The following VPS13B variants were observed in gnomAD, a reference collection of about 807,000 sequenced individuals.
The protein encoded by VPS13B is intermembrane lipid transfer protein VPS13B.
A neutral mutation model predicts 426.4 loss-of-function variants in VPS13B; 285 were observed. That is an observed-to-expected ratio of 0.67 (90% CI 0.61 to 0.74). VPS13B has a LOEUF of 0.74. VPS13B is among the 30% of genes least tolerant of loss of function. The pLI, the probability that VPS13B is intolerant of heterozygous loss-of-function variation, is 0.00. For missense variants in VPS13B, 4,537 were observed against 4,782.6 expected, an observed-to-expected ratio of 0.95 and a Z score of 1.51; for synonymous variants, 1,676 against 1,676.4, an observed-to-expected ratio of 1.00 and a Z score of 0.01.
intron 3 of VPS13B, among the ~76,000 whole-genome samples, chr8:99,081,923 C>T (rs142213750): frequency 0.029 from 4,360 of 152,196 alleles, 94 homozygotes; most frequent in Non-Finnish European, 0.044. Flanking sequence ...AATAAACATA[C>T]ATGGGCATGT....
chr8:99,727,482 T>G (rs1329994930), intron 39 of VPS13B, among the ~76,000 whole-genome samples: 1 of 152,208 alleles, frequency 6.6e-6, no homozygotes, highest in Middle Eastern at 3.2e-3. Flanking sequence ...CAGTTCCACA[T>G]GGCTGGGGAG....
intron 33 of VPS13B, chr8:99,614,048 A>G (rs1227107493): frequency 6.6e-6 from 1 of 152,250 alleles, no homozygotes; most frequent in Non-Finnish European, 1.5e-5. Flanking sequence ...CTTCCCAAGT[A>G]CCTAGACTAC....
intron 56 of VPS13B, 126 bp from the exon 57 acceptor site, chr8:99,859,178 G>A: frequency 8.4e-7 from 1 of 1,184,924 alleles, no homozygotes; most frequent in Non-Finnish European, 1.2e-6. Flanking sequence ...TTCTTCCAAA[G>A]AAACAGATTA....
intron 40 of VPS13B, among the ~76,000 whole-genome samples, chr8:99,767,249 CAA>C (rs1811271226): frequency 6.6e-6 from 1 of 151,644 alleles, no homozygotes; most frequent in Non-Finnish European, 1.5e-5. Flanking sequence ...GCAAGTTAAA[CAA>C]AAAGTCTAGT....
chr8:99,223,563 A>G (rs920603021), intron 17 of VPS13B, among the ~76,000 whole-genome samples: 2 of 152,304 alleles, frequency 1.3e-5, no homozygotes, highest in Middle Eastern at 3.4e-3. Flanking sequence ...ATATCAATCC[A>G]TGTACTCTGA....
At chr8:99,091,026 A>G (rs1200037797) in intron 3 of VPS13B, among the ~76,000 whole-genome samples, 1 of 152,208 alleles carries the variant, frequency 6.6e-6, no homozygotes, top group Non-Finnish European at 1.5e-5. Context: ...AGGTAGCAAT[A>G]AAGAACAAAT....
intron 21 of VPS13B, among the ~76,000 whole-genome samples, chr8:99,393,738 T>G (rs1347486192): frequency 1.3e-5 from 2 of 152,158 alleles, no homozygotes; most frequent in African/African-American, 4.8e-5. Flanking sequence ...GAATTCTATT[T>G]CTTTCCCTTT....
At chr8:99,141,770 C>T (rs1008241727) in intron 12 of VPS13B, among the ~76,000 whole-genome samples, 4 of 150,750 alleles carry the variant, frequency 2.7e-5, no homozygotes, top group African/African-American at 9.8e-5. Flanking sequence ...TTTGGCCAGG[C>T]GTGGTGGCTC....
At chr8:99,749,827 A>G (rs182202003) in intron 39 of VPS13B, among the ~76,000 whole-genome samples, 211 of 152,144 alleles carry the variant, frequency 1.4e-3, no homozygotes, top group African/African-American at 4.9e-3. Context: ...ACTGTTCTCC[A>G]TAGTAGTTGT....
chr8:99,491,177 C>T (rs1246981269), intron 25 of VPS13B, among the ~76,000 whole-genome samples: 1 of 152,138 alleles, frequency 6.6e-6, no homozygotes, highest in Non-Finnish European at 1.5e-5. Context: ...TAGTCATTCA[C>T]GAGCAGGTTG....
chr8:99,094,636 A>G (rs1846328892), intron 3 of VPS13B, among the ~76,000 whole-genome samples: 1 of 152,110 alleles, frequency 6.6e-6, no homozygotes. Context: ...GTTTTGTAAA[A>G]CACCTTTTAT....
chr8:99,544,812 G>A (rs966974617), intron 30 of VPS13B, among the ~76,000 whole-genome samples: 1 of 152,028 alleles, frequency 6.6e-6, no homozygotes, highest in Admixed American at 6.6e-5. Flanking sequence ...CTAATAATAG[G>A]CCATATTAGT....
chr8:99,113,336 C>G (rs966641068), intron 6 of VPS13B, among the ~76,000 whole-genome samples: 12 of 152,170 alleles, frequency 7.9e-5, no homozygotes, highest in Admixed American at 7.9e-4. Context: ...CTCCTAGCTT[C>G]AAGTAATTCT....
intron 8 of VPS13B, among the ~76,000 whole-genome samples, chr8:99,134,311 A>G (rs1225501745): frequency 6.6e-6 from 1 of 152,188 alleles, no homozygotes. Context: ...AGGTTATACT[A>G]TATGTAAATT....
At chr8:99,821,517 G>T in intron 50 of VPS13B, 35 bp downstream of exon 50, 1 of 1,611,056 alleles carries the variant, frequency 6.2e-7, no homozygotes, top group South Asian at 1.1e-5. Context: ...GGAGGAAATA[G>T]CATGCCATCC....
At chr8:99,125,113 G>A (rs1848133870) in intron 8 of VPS13B, among the ~76,000 whole-genome samples, 1 of 152,142 alleles carries the variant, frequency 6.6e-6, no homozygotes, top group Non-Finnish European at 1.5e-5. Flanking sequence ...TCCCATGATA[G>A]GCCGTCTGCA....
At chr8:99,056,295 A>G (rs959867753) in intron 3 of VPS13B, among the ~76,000 whole-genome samples, 2 of 152,096 alleles carry the variant, frequency 1.3e-5, no homozygotes, top group African/African-American at 4.8e-5. Context: ...TCCTGGGCTC[A>G]AGCGATCTGC....
intron 13 of VPS13B, among the ~76,000 whole-genome samples, chr8:99,146,168 T>G (rs2132591263): frequency 6.6e-6 from 1 of 152,360 alleles, no homozygotes. Context: ...TCTGAAAGTT[T>G]TAATGTTTTT....
intron 19 of VPS13B, chr8:99,346,177 G>C (rs1161490291): frequency 3.9e-5 from 6 of 152,286 alleles, no homozygotes; most frequent in Non-Finnish European, 2.9e-5. Flanking sequence ...TGGAGTTCTT[G>C]ATGATACATT....
Sources: allele counts gnomAD v4.1 joint callset (sites outside exome capture counted in the v4.1 genomes callset), GRCh38; gene constraint gnomAD v4.1.1; transcripts MANE v1.5; gene names NCBI Gene and HGNC (gene_info 2026-07-23, HGNC 2026-07-21).